The following MCAM variants were observed in gnomAD, a reference collection of about 807,000 sequenced individuals.
MCAM encodes the protein melanoma cell adhesion molecule, also known as cell surface glycoprotein MUC18.
A neutral mutation model predicts 79.1 loss-of-function variants in MCAM; 55 were observed. The observed-to-expected ratio is 0.70, with a 90% CI of 0.56 to 0.87. The LOEUF (loss-of-function observed/expected upper bound fraction) is 0.87. Among genes scored for constraint, MCAM ranks in the 40% least tolerant of loss-of-function variants. The pLI, the probability that MCAM is intolerant of heterozygous loss-of-function variation, is 0.00. For synonymous variants in MCAM, 330 were observed against 339.8 expected (o/e 0.97, Z 0.32); for missense variants, 745 against 839.8 (o/e 0.89, Z 1.40).
Position 119,309,728 on chromosome 11 carries a change from G to A in MCAM, c.*158C>T, listed in dbSNP as rs1950198987. ...AGCGGGCCTTGCAGGGCCAAGTGAG[G>A]TCCTCAGGTCCTAACCCAGTGGCCC... On this transcript the variant is annotated 3_prime_UTR_variant, in exon 16 of 16. Coordinates refer to ENST00000264036, the MANE Select transcript of MCAM (RefSeq NM_006500.3). 4 of 707,820 alleles carry A rather than the reference G, an allele frequency of 5.7e-6. No homozygotes were observed. Among genetic ancestry groups the A allele is most frequent in the African/African-American group, 1.8e-5 (1 of 55,930 alleles). The allele number at this position is 707,820 out of a possible 1,614,324, so 43.8% of individuals were successfully genotyped here.
In MCAM at chr11:119,315,294, G is replaced by T. The variant is rs774400383; in HGVS notation, c.68-31C>A. ...GGAGGGAGGCGGGGCCCCCGCAGCT[G>T]TGTCAGCTCCGGCTGCTGTCCGCCC... On this transcript the variant is annotated intron_variant, in intron 1 of 15. Transcript: ENST00000264036. This position sits in a 1 kb window ranked among gnomAD's most constrained non-coding sequence, Gnocchi z 4.4. 2.5e-6 allele frequency: 4 copies of T among 1,593,284 alleles called. No individual in the cohort carries two copies. The highest frequency in any genetic ancestry group is 2.2e-5 in the South Asian group (2 of 90,198).
In MCAM at chr11:119,311,522, C is replaced by G; in HGVS notation, c.1407+8G>C. ...TAGGAGAGTGTGGCAGATGAGACAC[C>G]CGCTCACCGTGCCGTTGACGTTCCA... On this transcript the variant is annotated splice_region_variant and intron_variant, in intron 11 of 15. Coordinates refer to ENST00000264036, the MANE Select transcript of MCAM (RefSeq NM_006500.3). The surrounding 1 kb of genome is among the most constrained non-coding windows in gnomAD (Gnocchi z 4.4). The G allele has an allele frequency of 6.2e-7, 1 of 1,614,046 alleles. No homozygotes were observed. Among genetic ancestry groups the G allele is most frequent in the Non-Finnish European group, 8.5e-7 (1 of 1,179,986 alleles).
At position 119,310,180 on chromosome 11, in the gene MCAM, C is replaced by A. The variant is rs925153380; in HGVS notation, c.1911+169G>T. ...CTTTCTCAGTCTTCCTCCAAGCTCC[C>A]TCAGCCACTTGCTTGGCCCTGCCAT... is the stretch of plus-strand genomic sequence containing the variant. On this transcript the variant is annotated intron_variant, in intron 15 of 15. Transcript: ENST00000264036. 7 of 651,576 alleles carry A rather than the reference C, an allele frequency of 1.1e-5. 1 individual carries two copies. The highest frequency in any genetic ancestry group is 1.0e-4 in the East Asian group (4 of 38,178). 40.4% of individuals were successfully genotyped at this position (651,576 alleles called of 1,614,324 possible).
At position 119,312,457 on chromosome 11, in the gene MCAM, T is replaced by C; in HGVS notation, c.862-29A>G. The C allele has an allele frequency of 6.2e-7, 1 of 1,611,850 alleles. No homozygotes were observed. Among genetic ancestry groups the C allele is most frequent in the Non-Finnish European group, 8.5e-7 (1 of 1,179,398 alleles). On this transcript the variant is annotated intron_variant, in intron 7 of 15. Coordinates refer to ENST00000264036, the MANE Select transcript of MCAM (RefSeq NM_006500.3). This position sits in a 1 kb window ranked among gnomAD's most constrained non-coding sequence, Gnocchi z 4.9. ...GGGAGGATTGGGGAGGTGAGCAGAG[T>C]GCACCTCCCGCCACTCCACCTGGGT...
In MCAM at chr11:119,309,885, G is replaced by C. The variant is rs150929022; in HGVS notation, c.*1C>G. 5.0e-6 allele frequency: 8 copies of C among 1,600,442 alleles called. No homozygotes were observed. The highest frequency in any genetic ancestry group is 1.7e-4 in the Middle Eastern group (1 of 5,862). On this transcript the variant is annotated 3_prime_UTR_variant, in exon 16 of 16. Transcript: ENST00000264036. ...GGGAAGGGAGCTGAAGTGATTCGGG[G>C]CTAATGCCTCAGATCGATGTATTTC... is the stretch of plus-strand genomic sequence containing the variant.
rs986408244 is a variant in MCAM at position 119,310,361 on chromosome 11, A to C, written c.1899T>G (p.Ala633=). The C allele has an allele frequency of 6.2e-7, 1 of 1,612,444 alleles. No individual in the cohort carries two copies. The highest frequency in any genetic ancestry group is 8.5e-7 in the Non-Finnish European group (1 of 1,178,618). The change falls in exon 15 of 16, where the codon GCT becomes GCG. Residue 633 remains alanine, a synonymous_variant. Transcript: ENST00000264036. ...LLQGSSGDKR[A]PGDQGEKYID... ...AACCGCCTCCTACCTGGTCTCCCGG[A>C]GCCCTCTTGTCACCGCTGCTGCCCT...
Position 119,316,951 on chromosome 11 carries a change from C to T in MCAM, c.67+84G>A. The T allele has an allele frequency of 1.6e-6, 2 of 1,269,956 alleles. No homozygotes were observed. The highest frequency in any genetic ancestry group is 2.1e-6 in the Non-Finnish European group (2 of 932,160). 78.7% of individuals were successfully genotyped at this position (1,269,956 alleles called of 1,614,324 possible). On this transcript the variant is annotated intron_variant, in intron 1 of 15. Transcript: ENST00000264036. The surrounding 1 kb of genome is among the most constrained non-coding windows in gnomAD (Gnocchi z 4.8). Reference sequence around the variant, plus strand: ...GTCCTCCCAGACGCAACGCCCCGACCCCGCCGCGCCGCTGGCTCTGCTCCC... The same window carrying T: ...GTCCTCCCAGACGCAACGCCCCGACTCCGCCGCGCCGCTGGCTCTGCTCCC...
At chr11:119,310,729 G>A (rs1383323325) in intron 14 of MCAM, 27 bp downstream of exon 14, 2 of 1,607,476 alleles carry the variant, frequency 1.2e-6, no homozygotes, top group Non-Finnish European at 1.7e-6. Flanking sequence ...AAACGGGCGG[G>A]GGCGGAGGGG....
chr11:119,315,049 A>G lies in MCAM; in HGVS notation c.193-9T>C. ...CGCTTCTCCTTGTGGACCTAATGGG[A>G]GGAGACACAGAGGAGGAGAAGGGTC... On this transcript the variant is annotated splice_polypyrimidine_tract_variant and intron_variant, in intron 2 of 15. Transcript: ENST00000264036. This position sits in a 1 kb window ranked among gnomAD's most constrained non-coding sequence, Gnocchi z 4.4. 1 of 1,608,596 alleles carries G rather than the reference A, an allele frequency of 6.2e-7. No homozygotes were observed. Among genetic ancestry groups the G allele is most frequent in the South Asian group, 1.1e-5 (1 of 91,068 alleles).
chr11:119,313,165 G>C, intron 5 of MCAM: 2 of 1,513,758 alleles, frequency 1.3e-6, no homozygotes, highest in African/African-American at 2.7e-5. Flanking sequence ...CATATCCAAG[G>C]ATGTGTGCAA....
At position 119,312,662 on chromosome 11, in the gene MCAM, G is replaced by T. The variant is rs1396693646; in HGVS notation, c.740-14C>A. The stretch of plus-strand genomic sequence containing the variant: ...TTTCTGTCGGGTCTGCATAGGCAAA[G>T]GGGGTAGCTCTTGGCCCATGAGTCA... On this transcript the variant is annotated splice_polypyrimidine_tract_variant and intron_variant, in intron 6 of 15. Coordinates refer to ENST00000264036, the MANE Select transcript of MCAM (RefSeq NM_006500.3). This position sits in a 1 kb window ranked among gnomAD's most constrained non-coding sequence, Gnocchi z 4.9. The T allele has an allele frequency of 6.2e-7, 1 of 1,614,006 alleles. No individual in the cohort carries two copies. Among genetic ancestry groups the T allele is most frequent in the African/African-American group, 1.3e-5 (1 of 74,860 alleles).
At position 119,316,827 on chromosome 11, in the gene MCAM, GC is replaced by G. The variant is rs1269795101; in HGVS notation, c.67+207del. ...GCCTCCTCCCCGCCTTCCGAGTGCT[GC>G]TCCCGGGATACTCTAGAATCCCGGC... On this transcript the variant is annotated intron_variant, in intron 1 of 15. Transcript: ENST00000264036. The surrounding 1 kb of genome is among the most constrained non-coding windows in gnomAD (Gnocchi z 4.8). 27 of 522,664 alleles carry G rather than the reference GC, an allele frequency of 5.2e-5. No homozygotes were observed. Among genetic ancestry groups the G allele is most frequent in the African/African-American group, 5.1e-4 (25 of 48,574 alleles). 32.4% of individuals were successfully genotyped at this position (522,664 alleles called of 1,614,324 possible).
At chr11:119,313,156 A>C in intron 5 of MCAM, 1 of 1,519,420 alleles carries the variant, frequency 6.6e-7, no homozygotes, top group Non-Finnish European at 8.8e-7. Context: ...ATGTCTGCTC[A>C]TATCCAAGGA....
Position 119,315,097 on chromosome 11 carries a change from T to C in MCAM, c.192+42A>G. ...GTCCTGGGCTACAAGAGGGGCAGAG[T>C]CTCCCTCCCCGGGCTGCTCTTGCAG... On this transcript the variant is annotated intron_variant, in intron 2 of 15. Transcript: ENST00000264036. This position sits in a 1 kb window ranked among gnomAD's most constrained non-coding sequence, Gnocchi z 4.4. The C allele has an allele frequency of 6.2e-7, 1 of 1,611,620 alleles. No individual in the cohort carries two copies. Among genetic ancestry groups the C allele is most frequent in the East Asian group, 2.2e-5 (1 of 44,826 alleles).
At position 119,311,867 on chromosome 11, in the gene MCAM, G is replaced by A. The variant is rs200795578; in HGVS notation, c.1226C>T (p.Ala409Val). The A allele has an allele frequency of 1.1e-5, 18 of 1,614,114 alleles. No homozygotes were observed. The Admixed American group carries it at 1.2e-4, about 10-fold the overall frequency. The change falls in exon 10 of 16, where the codon GCG becomes GTG. Residue 409 changes from alanine to valine, a missense_variant. Transcript: ENST00000264036. The surrounding 1 kb of genome is among the most constrained non-coding windows in gnomAD (Gnocchi z 4.4). ...CAGGCCGGGTATGCTGGGCACAGAC[G>A]CCACGCAGCGATAGCCGCCTCCTGC... ...REAGGGYRCV[A>V]SVPSIPGLNR...
Position 119,312,654 on chromosome 11 carries a change from T to C in MCAM, c.740-6A>G, listed in dbSNP as rs1166491151. ...CCACACTTTTTCTGTCGGGTCTGCA[T>C]AGGCAAAGGGGGTAGCTCTTGGCCC... On this transcript the variant is annotated splice_polypyrimidine_tract_variant and splice_region_variant and intron_variant, in intron 6 of 15. Coordinates refer to ENST00000264036, the MANE Select transcript of MCAM (RefSeq NM_006500.3). The surrounding 1 kb of genome is among the most constrained non-coding windows in gnomAD (Gnocchi z 4.9). The C allele has an allele frequency of 8.1e-6, 13 of 1,613,998 alleles. No individual in the cohort carries two copies. The highest frequency in any genetic ancestry group is 2.2e-5 in the East Asian group (1 of 44,896).
At position 119,315,384 on chromosome 11, in the gene MCAM, C is replaced by A. The variant is rs1010467442; in HGVS notation, c.68-121G>T. The A allele has an allele frequency of 3.1e-6, 4 of 1,296,208 alleles. No homozygotes were observed. The highest frequency in any genetic ancestry group is 4.2e-6 in the Non-Finnish European group (4 of 953,248). The allele number at this position is 1,296,208 out of a possible 1,614,324, so 80.3% of individuals were successfully genotyped here. A position where few individuals can be genotyped will look rare whatever the true frequency, so the allele number is the denominator to read the frequency against. On this transcript the variant is annotated intron_variant, in intron 1 of 15. Transcript: ENST00000264036. This position sits in a 1 kb window ranked among gnomAD's most constrained non-coding sequence, Gnocchi z 4.4. Reference sequence around the variant, plus strand: ...TCAGAGGGTCTGCAGAGGGCCCTGTCCTCTGAACGCTCTACCCCCACCCCG... The same window carrying A: ...TCAGAGGGTCTGCAGAGGGCCCTGTACTCTGAACGCTCTACCCCCACCCCG...
In MCAM at chr11:119,312,678, C is replaced by G. The variant is rs745341268; in HGVS notation, c.740-30G>C. ...ATAGGCAAAGGGGGTAGCTCTTGGC[C>G]CATGAGTCAACCCTGGGCTGGATAA... On this transcript the variant is annotated intron_variant, in intron 6 of 15. Coordinates refer to ENST00000264036, the MANE Select transcript of MCAM (RefSeq NM_006500.3). This position sits in a 1 kb window ranked among gnomAD's most constrained non-coding sequence, Gnocchi z 4.9. 3.7e-6 allele frequency: 6 copies of G among 1,614,054 alleles called. No homozygotes were observed. The highest frequency in any genetic ancestry group is 5.1e-6 in the Non-Finnish European group (6 of 1,180,018).
Position 119,311,324 on chromosome 11 carries a change from G to T in MCAM, c.1505C>A (p.Ser502Tyr). 1 of 1,614,200 alleles carries T rather than the reference G, an allele frequency of 6.2e-7. No homozygotes were observed. The highest frequency in any genetic ancestry group is 8.5e-7 in the Non-Finnish European group (1 of 1,180,012). ...GCTGGTGTTTTTGCCCAGGTCGTTGGAGGCCGTGCATTCAACACCTGTCTC... is the reference window on the plus strand; with the variant it reads ...GCTGGTGTTTTTGCCCAGGTCGTTGTAGGCCGTGCATTCAACACCTGTCTC... Reference protein sequence around the residue: ...LLETGVECTASNDLGKNTSIL... With the variant: ...LLETGVECTAYNDLGKNTSIL... Residue 502 changes from serine (S) to tyrosine (Y), a missense_variant, in exon 12 of 16, where the codon TCC (serine) becomes TAC (tyrosine). Physicochemically the swap from Ser to Tyr is moderately radical, Grantham distance 144 (BLOSUM62 -2). Transcript: ENST00000264036. The surrounding 1 kb of genome is among the most constrained non-coding windows in gnomAD (Gnocchi z 4.4).
Sources: gnomAD v4.1 joint callset for allele counts on GRCh38, gnomAD v4.1.1 for gene constraint, Gnocchi (gnomAD v3.1) non-coding constraint, MANE v1.5 for transcripts, NCBI Gene and HGNC (gene_info 2026-07-23, HGNC 2026-07-21) for gene names.